The following DPY19L4 variants were observed in gnomAD, a reference collection of about 807,000 sequenced individuals.
DPY19L4 encodes the protein dpy-19 like 4, also known as probable C-mannosyltransferase DPY19L4.
DPY19L4 carries 97 observed loss-of-function variants against 102.8 expected under a neutral mutation model. The ratio of observed to expected loss-of-function variants is 0.94; its 90% CI spans 0.80 to 1.12. The LOEUF (loss-of-function observed/expected upper bound fraction) is 1.12. Among genes scored for constraint, DPY19L4 ranks in the 50% most tolerant of loss-of-function variants. The probability of loss-of-function intolerance (pLI) is 0.00; values close to 1 mark genes in which losing one functional copy is unlikely to be tolerated. For missense variants in DPY19L4, 815 were observed against 850.4 expected, an observed-to-expected ratio of 0.96 and a Z score of 0.52; for synonymous variants, 252 against 283.1, an observed-to-expected ratio of 0.89 and a Z score of 1.10.
intron 17 of DPY19L4, among the ~76,000 whole-genome samples, chr8:94,784,856 A>C (rs1350841760): frequency 6.6e-6 from 1 of 152,200 alleles, no homozygotes; most frequent in Non-Finnish European, 1.5e-5. Context: ...GCAGTTATTG[A>C]CTCAGTATAA....
intron 6 of DPY19L4, among the ~76,000 whole-genome samples, chr8:94,752,818 C>A (rs541937086): frequency 1.3e-4 from 20 of 151,356 alleles, no homozygotes; most frequent in Middle Eastern, 3.4e-3. Context: ...GCGGTCGCCA[C>A]CATGCCCGGC....
At chr8:94,751,443 C>G (rs1357367651) in intron 6 of DPY19L4, among the ~76,000 whole-genome samples, 1 of 151,702 alleles carries the variant, frequency 6.6e-6, no homozygotes, top group East Asian at 1.9e-4. Context: ...ACCCAACCAC[C>G]ACTACTATGC....
At chr8:94,786,791 G>A (rs1239466684) in intron 17 of DPY19L4, among the ~76,000 whole-genome samples, 5 of 152,036 alleles carry the variant, frequency 3.3e-5, no homozygotes, top group South Asian at 2.1e-4. Flanking sequence ...CAAGTGATCC[G>A]CCTCCCTGGG....
intron 14 of DPY19L4, among the ~76,000 whole-genome samples, 192 bp downstream of exon 14, chr8:94,777,978 C>T (rs1279195863): frequency 1.3e-5 from 2 of 152,134 alleles, no homozygotes; most frequent in African/African-American, 4.8e-5. Flanking sequence ...CGCTTGTAAT[C>T]CAAGCACTTT....
chr8:94,739,616 C>A, intron 5 of DPY19L4, 29 bp from the exon 6 acceptor site: 1 of 1,611,426 alleles, frequency 6.2e-7, no homozygotes, highest in Non-Finnish European at 8.5e-7. Context: ...ATCCTATTGT[C>A]TTGTTCTCTT....
intron 1 of DPY19L4, among the ~76,000 whole-genome samples, chr8:94,720,992 T>C (rs1271132434): frequency 1.3e-5 from 2 of 151,870 alleles, no homozygotes; most frequent in Non-Finnish European, 2.9e-5. Context: ...TGTTGCCCAG[T>C]CTAGAGTGCA....
chr8:94,790,527 ACTTT>A lies in DPY19L4; in HGVS notation c.*621_*624del, dbSNP rs1233726079. 2 of 152,406 alleles carry A rather than the reference ACTTT, an allele frequency of 1.3e-5. No individual in the cohort carries two copies. Among genetic ancestry groups the A allele is most frequent in the African/African-American group, 4.8e-5 (2 of 41,452 alleles). 9.4% of individuals were successfully genotyped at this position (152,406 alleles called of 1,614,324 possible). ...CATCTACTGCTTATGTTAAGTGAGA[ACTTT>A]CTTAGTAATACATAATGCATGATGT... On this transcript the variant is annotated 3_prime_UTR_variant, in exon 19 of 19. Coordinates refer to ENST00000414645, the MANE Select transcript of DPY19L4 (RefSeq NM_181787.3).
At chr8:94,728,830 G>A (rs566697210) in intron 2 of DPY19L4, among the ~76,000 whole-genome samples, 1 of 152,234 alleles carries the variant, frequency 6.6e-6, no homozygotes, top group East Asian at 1.9e-4. Flanking sequence ...ATTTGTAAGT[G>A]GGAATAAAGA....
At chr8:94,762,758 T>G (rs1812446718) in intron 8 of DPY19L4, among the ~76,000 whole-genome samples, 1 of 151,716 alleles carries the variant, frequency 6.6e-6, no homozygotes, top group Admixed American at 6.6e-5. Flanking sequence ...AAAAATTAAC[T>G]GGGTGGGGTG....
chr8:94,742,337 G>C (rs1292716199), intron 6 of DPY19L4, among the ~76,000 whole-genome samples: 2 of 151,826 alleles, frequency 1.3e-5, no homozygotes, highest in African/African-American at 4.8e-5. Flanking sequence ...CAGCCTGGGC[G>C]ACAGAGCGAG....
chr8:94,756,284 C>A, intron 7 of DPY19L4, 125 bp downstream of exon 7: 1 of 1,299,896 alleles, frequency 7.7e-7, no homozygotes, highest in East Asian at 2.6e-5. Context: ...CTGGTTACTA[C>A]ATAATAAAAG....
At chr8:94,740,813 T>A (rs7840896) in intron 6 of DPY19L4, among the ~76,000 whole-genome samples, 67,375 of 152,016 alleles carry the variant, frequency 0.44, 16,539 homozygotes, top group African/African-American at 0.68. Flanking sequence ...TTTCCATTTC[T>A]ATAACTTTTT....
intron 6 of DPY19L4, among the ~76,000 whole-genome samples, chr8:94,754,353 A>G (rs934573771): frequency 3.3e-5 from 5 of 152,146 alleles, no homozygotes; most frequent in African/African-American, 1.2e-4. Context: ...GGCTGTGATA[A>G]CGTGCCGAGC....
rs759107741 is a variant in DPY19L4 at position 94,726,493 on chromosome 8, G to C, written c.127+52G>C. On this transcript the variant is annotated intron_variant, in intron 2 of 18. Transcript: ENST00000414645. ...GCTACTACAAAAATAGTTTACACTA[G>C]AAAGTATATTTTATGTCAATATTTT... 2.2e-6 allele frequency: 3 copies of C among 1,344,738 alleles called. No homozygotes were observed. In the South Asian group the frequency reaches 4.0e-5, roughly 18 times the overall value. The allele number at this position is 1,344,738 out of a possible 1,614,324, so 83.3% of individuals were successfully genotyped here.
In DPY19L4 at chr8:94,738,399, G is replaced by A; in HGVS notation, c.283G>A (p.Asp95Asn). ...TGAACGGGAAATCACGTTTCAGGGT[G>A]ACAGTGCCATTTATTACTCCTATTA... ...ELEREITFQG[D>N]SAIYYSYYKD... Residue 95 changes from aspartate (D) to asparagine (N), a missense_variant, in exon 4 of 19, where the codon GAC (aspartate) becomes AAC (asparagine). By Grantham distance (23) the Asp-to-Asn change is conservative (BLOSUM62 1). Transcript: ENST00000414645. 1 of 1,552,468 alleles carries A rather than the reference G, an allele frequency of 6.4e-7. No individual in the cohort carries two copies. The highest frequency in any genetic ancestry group is 1.9e-5 in the Admixed American group (1 of 53,980).
Position 94,765,828 on chromosome 8 carries a change from T to C in DPY19L4, c.1101+19T>C. The C allele has an allele frequency of 1.4e-6, 2 of 1,413,076 alleles. No individual in the cohort carries two copies. Among genetic ancestry groups the C allele is most frequent in the Non-Finnish European group, 2.0e-6 (2 of 1,018,866 alleles). 87.5% of individuals were successfully genotyped at this position (1,413,076 alleles called of 1,614,324 possible). On this transcript the variant is annotated intron_variant, in intron 10 of 18. Transcript: ENST00000414645. ...AATGAAGGTAAGTAACTCTCTGGGATTCATATAGTAAAACAAAATGAATAA... is the reference window on the plus strand; with the variant it reads ...AATGAAGGTAAGTAACTCTCTGGGACTCATATAGTAAAACAAAATGAATAA...
intron 6 of DPY19L4, among the ~76,000 whole-genome samples, chr8:94,746,016 C>T (rs1209763537): frequency 6.8e-6 from 1 of 147,030 alleles, no homozygotes; most frequent in East Asian, 2.0e-4. Flanking sequence ...AGCCTCCCAA[C>T]ATGCTGGGAT....
At chr8:94,783,916 AG>A in intron 17 of DPY19L4, 114 bp downstream of exon 17, 1 of 1,180,462 alleles carries the variant, frequency 8.5e-7, no homozygotes, top group Non-Finnish European at 1.1e-6. Context: ...CAATTTTAGA[AG>A]AGTTAATTAA....
intron 18 of DPY19L4, 75 bp downstream of exon 18, chr8:94,788,127 T>A (rs904592916): frequency 2.5e-6 from 2 of 799,470 alleles, no homozygotes; most frequent in Non-Finnish European, 3.3e-6. Context: ...TTTAAACTTA[T>A]AATCTTTAAA....
Sources: allele counts gnomAD v4.1 joint callset (sites outside exome capture counted in the v4.1 genomes callset), GRCh38; gene constraint gnomAD v4.1.1; transcripts MANE v1.5; gene names NCBI Gene and HGNC (gene_info 2026-07-23, HGNC 2026-07-21).